AXDND1: variants seen among roughly 807,000 people sequenced by gnomAD.
The protein encoded by AXDND1 is axonemal dynein light chain domain-containing protein 1.
A neutral mutation model predicts 137.5 loss-of-function variants in AXDND1; 110 were observed. The observed-to-expected ratio is 0.80, with a 90% CI of 0.69 to 0.94. The LOEUF (loss-of-function observed/expected upper bound fraction) is 0.94. Among genes scored for constraint, AXDND1 ranks in the 40% least tolerant of loss-of-function variants. The probability of loss-of-function intolerance (pLI) is 0.00; values close to 1 mark genes in which losing one functional copy is unlikely to be tolerated. For synonymous variants in AXDND1, 414 were observed against 399.7 expected (o/e 1.04, Z -0.43); for missense variants, 1,191 against 1,169.8 (o/e 1.02, Z -0.26).
At chr1:179,501,666 C>T (rs762497194) in intron 20 of AXDND1, among the ~76,000 whole-genome samples, 4 of 152,020 alleles carry the variant, frequency 2.6e-5, no homozygotes, top group Non-Finnish European at 4.4e-5. Context: ...GAGCCAATCA[C>T]GCCACTGCAT....
intron 25 of AXDND1, chr1:179,543,162 C>G (rs906007705): frequency 6.6e-6 from 1 of 152,086 alleles, no homozygotes. Flanking sequence ...ACGGCAGGAG[C>G]CTTGTGAATG....
chr1:179,380,680 T>C (rs1247436154), intron 6 of AXDND1, among the ~76,000 whole-genome samples: 1 of 152,220 alleles, frequency 6.6e-6, no homozygotes, highest in Non-Finnish European at 1.5e-5. Context: ...TCTTTTGATA[T>C]TGTCTTTCCA....
intron 11 of AXDND1, among the ~76,000 whole-genome samples, chr1:179,402,540 C>G (rs1652255678): frequency 1.3e-5 from 2 of 152,136 alleles, no homozygotes; most frequent in Non-Finnish European, 2.9e-5. Context: ...TGTATACTTT[C>G]ATATCCCCTG....
chr1:179,553,477 T>G (rs1297109735), intron 25 of AXDND1, among the ~76,000 whole-genome samples: 1 of 152,170 alleles, frequency 6.6e-6, no homozygotes, highest in African/African-American at 2.4e-5. Context: ...TTGAAAACAT[T>G]ATGCTAAGTG....
chr1:179,448,365 ACTCT>A lies in AXDND1; in HGVS notation c.1798+3166_1798+3169del. 8.9e-6 allele frequency: 6 copies of A among 674,024 alleles called. No homozygotes were observed. In the South Asian group the frequency reaches 9.8e-5, roughly 11 times the overall value. The allele number at this position is 674,024 out of a possible 1,614,324, so 41.8% of individuals were successfully genotyped here. A position where few individuals can be genotyped will look rare whatever the true frequency, so the allele number is the denominator to read the frequency against. ...TCATAGGCTTTCTTCATTAATCCAAACTCTCTCTTTGTAAAAGTGGCCTCTCAGT... is the reference window on the plus strand; with the variant it reads ...TCATAGGCTTTCTTCATTAATCCAAACTCTTTGTAAAAGTGGCCTCTCAGT... On this transcript the variant is annotated intron_variant, in intron 16 of 25. Coordinates refer to ENST00000367618, the MANE Select transcript of AXDND1 (RefSeq NM_144696.6).
intron 25 of AXDND1, among the ~76,000 whole-genome samples, chr1:179,542,681 A>G (rs1237839310): frequency 6.6e-6 from 1 of 152,258 alleles, no homozygotes; most frequent in Non-Finnish European, 1.5e-5. Flanking sequence ...TTACCTCAAT[A>G]TGGAATGTGG....
chr1:179,400,549 C>T (rs552353977), intron 11 of AXDND1, among the ~76,000 whole-genome samples: 1 of 151,010 alleles, frequency 6.6e-6, no homozygotes, highest in East Asian at 1.9e-4. Flanking sequence ...CAGATACCAC[C>T]TGTACCCCAA....
At chr1:179,477,845 A>G (rs916338116) in intron 17 of AXDND1, among the ~76,000 whole-genome samples, 4 of 152,208 alleles carry the variant, frequency 2.6e-5, no homozygotes, top group African/African-American at 7.2e-5. Context: ...CTGTAAAATC[A>G]AAAGCAAGTT....
intron 12 of AXDND1, among the ~76,000 whole-genome samples, chr1:179,419,483 G>A (rs368720812): frequency 0.23 from 33,514 of 147,510 alleles, 3,931 homozygotes; most frequent in Non-Finnish European, 0.25. Flanking sequence ...GCGTGGCGGC[G>A]TGCGCCTGCA....
At chr1:179,407,750 T>C (rs2125204457) in intron 11 of AXDND1, among the ~76,000 whole-genome samples, 1 of 152,244 alleles carries the variant, frequency 6.6e-6, no homozygotes, top group East Asian at 1.9e-4. Flanking sequence ...CAAATTTGGG[T>C]TGGGGATCTT....
chr1:179,434,659 A>G (rs958152547), intron 15 of AXDND1, among the ~76,000 whole-genome samples: 15 of 152,204 alleles, frequency 9.9e-5, no homozygotes, highest in Non-Finnish European at 1.9e-4. Context: ...ACATCCCTTT[A>G]TGTTAAAAAC....
At chr1:179,383,395 C>T (rs371364552) in intron 7 of AXDND1, 47 bp from the exon 8 acceptor site, 64 of 1,383,072 alleles carry the variant, frequency 4.6e-5, no homozygotes, top group Non-Finnish European at 6.4e-5. Context: ...TTTGAGAATT[C>T]CCTGTTGCAA....
chr1:179,401,749 T>G (rs1045964587), intron 11 of AXDND1, among the ~76,000 whole-genome samples: 1 of 152,170 alleles, frequency 6.6e-6, no homozygotes, highest in African/African-American at 2.4e-5. Context: ...GGGAAACCCC[T>G]TTTGCTTGGC....
At chr1:179,520,714 G>C (rs1429650299) in intron 21 of AXDND1, among the ~76,000 whole-genome samples, 1 of 151,628 alleles carries the variant, frequency 6.6e-6, no homozygotes, top group Admixed American at 6.6e-5. Flanking sequence ...TGGAATATAG[G>C]ATGTCTACTT....
chr1:179,427,842 C>G (rs1015889755), intron 12 of AXDND1, among the ~76,000 whole-genome samples: 4 of 151,848 alleles, frequency 2.6e-5, no homozygotes, highest in Admixed American at 2.6e-4. Flanking sequence ...CAAGTCTGAT[C>G]CCAGAGCCTG....
chr1:179,461,932 A>G (rs960697116), intron 16 of AXDND1, among the ~76,000 whole-genome samples: 12 of 152,200 alleles, frequency 7.9e-5, no homozygotes, highest in Non-Finnish European at 7.3e-5. Flanking sequence ...TGATCAGCTT[A>G]AGGAGATTTT....
At chr1:179,492,312 T>C (rs71630227) in intron 19 of AXDND1, among the ~76,000 whole-genome samples, 1 of 151,862 alleles carries the variant, frequency 6.6e-6, no homozygotes. Context: ...TGATCTCAAG[T>C]GATCTGCCCA....
At chr1:179,456,340 C>T (rs1661403742) in intron 16 of AXDND1, 4 of 767,636 alleles carry the variant, frequency 5.2e-6, no homozygotes, top group African/African-American at 1.7e-5. Context: ...CTTCTGCCTC[C>T]AAAGTTTCCT....
chr1:179,537,495 T>G (rs546590416), intron 25 of AXDND1, among the ~76,000 whole-genome samples: 1 of 152,310 alleles, frequency 6.6e-6, no homozygotes, highest in East Asian at 1.9e-4. Context: ...TGGATTACGT[T>G]TATTGATTTG....
Sources: gnomAD v4.1 joint callset for allele counts (sites outside exome capture counted in the v4.1 genomes callset) on GRCh38, gnomAD v4.1.1 for gene constraint, MANE v1.5 for transcripts, NCBI Gene and HGNC (gene_info 2026-07-23, HGNC 2026-07-21) for gene names.